Variants in ZNF793 observed in about 807,000 individuals in gnomAD.
ZNF793 encodes zinc finger protein 793.
Under a neutral mutation model 12.4 loss-of-function variants are expected in ZNF793, and 5 were observed. That is an observed-to-expected ratio of 0.40 (90% CI 0.21 to 0.84). ZNF793 has a LOEUF of 0.84. Among genes scored for constraint, ZNF793 ranks in the 40% least tolerant of loss-of-function variants. The pLI, the probability that ZNF793 is intolerant of heterozygous loss-of-function variation, is 0.35. For synonymous variants in ZNF793, 162 were observed against 172.4 expected, an observed-to-expected ratio of 0.94 and a Z score of 0.47; for missense variants, 456 against 495.0, an observed-to-expected ratio of 0.92 and a Z score of 0.75.
chr19:37,523,674 T>C (rs1031288552), intron 5 of ZNF793, among the ~76,000 whole-genome samples: 1 of 152,116 alleles, frequency 6.6e-6, no homozygotes, highest in African/African-American at 2.4e-5. Flanking sequence ...GAGGGAATTG[T>C]TGAACAGAGG....
At chr19:37,536,437 A>C (rs1229053117) in intron 7 of ZNF793, 1 of 403,648 alleles carries the variant, frequency 2.5e-6, no homozygotes, top group African/African-American at 2.1e-5. Context: ...GTACTGTATA[A>C]CATTTAACCT....
At chr19:37,512,574 C>T (rs917580761) in intron 2 of ZNF793, among the ~76,000 whole-genome samples, 4 of 135,802 alleles carry the variant, frequency 2.9e-5, no homozygotes, top group Non-Finnish European at 6.0e-5. Context: ...ATACCCTTCA[C>T]CCCATTCTGT....
chr19:37,509,646 A>T (rs6508733), intron 2 of ZNF793, among the ~76,000 whole-genome samples: 43,541 of 152,080 alleles, frequency 0.29, 8,015 homozygotes, highest in African/African-American at 0.52. Flanking sequence ...AGTTTGGGTA[A>T]TTTTTTCTCC....
chr19:37,524,216 A>C (rs2042396691), intron 5 of ZNF793, among the ~76,000 whole-genome samples: 1 of 151,292 alleles, frequency 6.6e-6, no homozygotes, highest in African/African-American at 2.4e-5. Context: ...TTAAGCCTGC[A>C]AGAGCCTCCT....
At position 37,542,488 on chromosome 19, in the gene ZNF793, A is replaced by C. The variant is rs1165448781; in HGVS notation, c.*4609A>C. ...AGAAGTAAAAGCTCCAATACATAAA[A>C]GACAGATGAACATGTGAACATGGAC... On this transcript the variant is annotated 3_prime_UTR_variant, in exon 8 of 8. Coordinates refer to ENST00000627814, the MANE Select transcript of ZNF793 (RefSeq NM_001013659.3). The C allele has an allele frequency of 1.5e-5, 6 of 409,452 alleles. No individual in the cohort carries two copies. Among genetic ancestry groups the C allele is most frequent in the Non-Finnish European group, 9.8e-6 (2 of 203,764 alleles). 25.4% of individuals were successfully genotyped at this position (409,452 alleles called of 1,614,324 possible). A position where few individuals can be genotyped will look rare whatever the true frequency, so the allele number is the denominator to read the frequency against.
chr19:37,536,597 C>T (rs1431746840), intron 7 of ZNF793: 7 of 413,064 alleles, frequency 1.7e-5, no homozygotes, highest in Middle Eastern at 6.1e-4. Flanking sequence ...GTCATTGTGA[C>T]GGAGACCATA....
chr19:37,532,211 AC>A (rs144248339), intron 5 of ZNF793, 144 bp from the exon 6 acceptor site: 130,028 of 838,196 alleles, frequency 0.16, 11,164 homozygotes, highest in Middle Eastern at 0.25. Context: ...ACGGGGTTTC[AC>A]CATGTTTGCC....
intron 5 of ZNF793, among the ~76,000 whole-genome samples, chr19:37,529,348 G>A (rs574140424): frequency 6.6e-6 from 1 of 152,030 alleles, no homozygotes; most frequent in Admixed American, 6.6e-5. Flanking sequence ...GTTACTATAG[G>A]GTCTTTCCTC....
intron 7 of ZNF793, chr19:37,533,703 T>G: frequency 2.1e-6 from 1 of 470,166 alleles, no homozygotes; most frequent in South Asian, 4.9e-5. Flanking sequence ...TATTCTCTGT[T>G]GTGACAAACT....
intron 6 of ZNF793, among the ~76,000 whole-genome samples, chr19:37,532,790 G>T (rs1329668514): frequency 2.0e-5 from 3 of 151,972 alleles, no homozygotes; most frequent in Non-Finnish European, 2.9e-5. Context: ...TTGCACTCTA[G>T]CCTGGGCAAC....
intron 2 of ZNF793, among the ~76,000 whole-genome samples, 187 bp from the exon 3 acceptor site, chr19:37,519,997 T>C (rs2042362661): frequency 6.6e-6 from 1 of 152,228 alleles, no homozygotes; most frequent in African/African-American, 2.4e-5. Context: ...ATCTGAGTCA[T>C]TCCTTGGCTC....
intron 2 of ZNF793, among the ~76,000 whole-genome samples, chr19:37,514,579 T>TAGATAGAC (rs1862220197): frequency 2.5e-5 from 1 of 40,792 alleles, no homozygotes; most frequent in Non-Finnish European, 3.8e-5. Flanking sequence ...GATAGACAGA[T>TAGATAGAC]AGATAGATAG....
chr19:37,536,563 T>C, intron 7 of ZNF793: 1 of 413,526 alleles, frequency 2.4e-6, no homozygotes, highest in Non-Finnish European at 4.3e-6. Flanking sequence ...TGTCTATATT[T>C]TCATGGTATG....
Position 37,539,070 on chromosome 19 carries a change from AAAT to A in ZNF793, c.*1197_*1199del, listed in dbSNP as rs2042534533. On this transcript the variant is annotated 3_prime_UTR_variant, in exon 8 of 8. Transcript: ENST00000627814. ...TAGAGGTTGTTACTGTCCTCTGCAG[AAAT>A]AATAAAGCAGTGTTTTTAAATGTAT... The A allele has an allele frequency of 6.6e-6, 1 of 152,360 alleles. No homozygotes were observed. The highest frequency in any genetic ancestry group is 1.5e-5 in the Non-Finnish European group (1 of 68,032). The allele number at this position is 152,360 out of a possible 1,614,324, so 9.4% of individuals were successfully genotyped here.
intron 5 of ZNF793, 125 bp from the exon 6 acceptor site, chr19:37,532,231 C>T (rs2042467479): frequency 9.3e-7 from 1 of 1,074,462 alleles, no homozygotes; most frequent in African/African-American, 1.6e-5. Flanking sequence ...CCAGGCTGAT[C>T]TTGAACTCCT....
At chr19:37,528,078 G>A (rs1002161987) in intron 5 of ZNF793, among the ~76,000 whole-genome samples, 5 of 152,186 alleles carry the variant, frequency 3.3e-5, no homozygotes, top group African/African-American at 9.6e-5. Flanking sequence ...GCAGTGAGCC[G>A]AGACTGCGCC....
At chr19:37,524,043 G>A (rs555051389) in intron 5 of ZNF793, among the ~76,000 whole-genome samples, 11 of 151,738 alleles carry the variant, frequency 7.2e-5, no homozygotes, top group Admixed American at 4.6e-4. Flanking sequence ...CCAGCTACTC[G>A]GGAGGCTGAG....
chr19:37,521,461 GT>G (rs924411872), intron 3 of ZNF793, among the ~76,000 whole-genome samples: 3 of 120,496 alleles, frequency 2.5e-5, no homozygotes, highest in Admixed American at 2.0e-4. Context: ...TTGAGACAGA[GT>G]TTCGCTCTTG....
At chr19:37,520,115 C>T (rs2042363681) in intron 2 of ZNF793, 69 bp from the exon 3 acceptor site, 1 of 152,628 alleles carries the variant, frequency 6.6e-6, no homozygotes, top group African/African-American at 2.4e-5. Context: ...GGCTTTTCCC[C>T]CTGAGGCCCC....
Sources: allele counts gnomAD v4.1 joint callset (sites outside exome capture counted in the v4.1 genomes callset), GRCh38; gene constraint gnomAD v4.1.1; transcripts MANE v1.5; gene names NCBI Gene and HGNC (gene_info 2026-07-23, HGNC 2026-07-21).